Variants in PSMB2 observed in about 807,000 individuals in gnomAD.
The protein encoded by PSMB2 is proteasome 20S subunit beta 2.
Under a neutral mutation model 25.7 loss-of-function variants are expected in PSMB2, and 13 were observed. The observed-to-expected ratio is 0.51, with a 90% CI of 0.33 to 0.80. PSMB2 has a LOEUF of 0.80. PSMB2 is among the 30% of genes least tolerant of loss of function. PSMB2 has a pLI of 0.02. For missense variants in PSMB2, 202 were observed against 259.0 expected, an observed-to-expected ratio of 0.78 and a Z score of 1.51; for synonymous variants, 87 against 96.2, an observed-to-expected ratio of 0.90 and a Z score of 0.56.
At chr1:35,619,669 A>G (rs140084169) in intron 3 of PSMB2, among the ~76,000 whole-genome samples, 2,478 of 152,318 alleles carry the variant, frequency 0.016, 23 homozygotes, top group South Asian at 0.025. Flanking sequence ...CAGTAATTCC[A>G]AAGTTACTAT....
intron 3 of PSMB2, among the ~76,000 whole-genome samples, chr1:35,617,950 G>A (rs1386461202): frequency 6.6e-6 from 1 of 152,190 alleles, no homozygotes; most frequent in Non-Finnish European, 1.5e-5. Context: ...AAGGAACCCT[G>A]ATGTCCCAGC....
intron 3 of PSMB2, among the ~76,000 whole-genome samples, chr1:35,630,469 C>A (rs1362723728): frequency 6.6e-6 from 1 of 152,104 alleles, no homozygotes; most frequent in East Asian, 1.9e-4. Flanking sequence ...GGATAAATAA[C>A]CTGTAGTATA....
intron 1 of PSMB2, among the ~76,000 whole-genome samples, chr1:35,640,611 A>G (rs1651366260): frequency 6.6e-6 from 1 of 151,964 alleles, no homozygotes; most frequent in South Asian, 2.1e-4. Flanking sequence ...CCAACAAACT[A>G]ACCTCATTAC....
Position 35,636,377 on chromosome 1 carries a change from C to T in PSMB2, c.147G>A (p.Glu49=). The change falls in exon 2 of 6, where the codon GAG becomes GAA. Residue 49 remains glutamate (E), a synonymous_variant. Coordinates refer to ENST00000373237, the MANE Select transcript of PSMB2 (RefSeq NM_002794.5). The stretch of plus-strand genomic sequence containing the variant: ...CTGCAAACTGTACAGTGTCTCCAGC[C>T]TCTCCAACACACAGGAGTAATATCT... The part of the protein sequence containing the change: ...SEKILLLCVG[E]AGDTVQFAEY... 1.9e-6 allele frequency: 3 copies of T among 1,614,060 alleles called. No homozygotes were observed. Among genetic ancestry groups the T allele is most frequent in the Non-Finnish European group, 2.5e-6 (3 of 1,179,932 alleles).
At position 35,603,321 on chromosome 1, in the gene PSMB2, G is replaced by T. The variant is rs1401309362; in HGVS notation, c.552C>A (p.Asp184Glu). ...NLPTFSVRII[D>E]KNGIHDLDNI... ...TATCCAGGTCATGGATGCCATTTTT[G>T]TCAATGATTCGAACACTGAAGGTTG... The change falls in exon 6 of 6, where the codon GAC (aspartate) becomes GAA (glutamate). Residue 184 changes from aspartate to glutamate, a missense_variant. Coordinates refer to ENST00000373237, the MANE Select transcript of PSMB2 (RefSeq NM_002794.5). 2 of 1,614,124 alleles carry T rather than the reference G, an allele frequency of 1.2e-6. No individual in the cohort carries two copies. Among genetic ancestry groups the T allele is most frequent in the Non-Finnish European group, 1.7e-6 (2 of 1,179,978 alleles).
chr1:35,608,729 GACA>G (rs1650245047), intron 4 of PSMB2, among the ~76,000 whole-genome samples: 2 of 152,184 alleles, frequency 1.3e-5, no homozygotes, highest in Admixed American at 6.5e-5. Flanking sequence ...GCCATTAGGT[GACA>G]ACCAAGGGAA....
At chr1:35,628,879 TA>T (rs910440810) in intron 3 of PSMB2, among the ~76,000 whole-genome samples, 2 of 151,710 alleles carry the variant, frequency 1.3e-5, no homozygotes, top group African/African-American at 4.8e-5. Context: ...TAAGTAACTT[TA>T]AAAAAAGTAA....
chr1:35,609,431 A>G, intron 3 of PSMB2, 23 bp from the exon 4 acceptor site: 3 of 1,472,822 alleles, frequency 2.0e-6, no homozygotes, highest in Non-Finnish European at 2.7e-6. Context: ...GATATGGCAA[A>G]GTGATAACTA....
chr1:35,603,643 G>A (rs900447555), intron 5 of PSMB2, among the ~76,000 whole-genome samples: 2 of 152,142 alleles, frequency 1.3e-5, no homozygotes, highest in Admixed American at 1.3e-4. Context: ...ACGAAAGAAT[G>A]AGACAATCCA....
intron 5 of PSMB2, among the ~76,000 whole-genome samples, 186 bp from the exon 6 acceptor site, chr1:35,603,560 TGGAGGATGACTGGGAGGCAG>T (rs1167247896): frequency 1.3e-5 from 2 of 152,140 alleles, no homozygotes; most frequent in African/African-American, 2.4e-5. Flanking sequence ...AAACAGCAGC[TGGAGGATGACTGGGAGGCAG>T]GGAGGCTGAA....
intron 3 of PSMB2, among the ~76,000 whole-genome samples, chr1:35,629,236 C>A (rs1418816517): frequency 6.6e-6 from 1 of 152,170 alleles, no homozygotes; most frequent in African/African-American, 2.4e-5. Context: ...AAGTTATCTC[C>A]ATTTCATAGA....
chr1:35,615,663 C>A (rs995331714), intron 3 of PSMB2, among the ~76,000 whole-genome samples: 4 of 152,198 alleles, frequency 2.6e-5, no homozygotes, highest in Admixed American at 2.0e-4. Context: ...AGGAAGCATC[C>A]TGCCAAGCGT....
At position 35,641,407 on chromosome 1, in the gene PSMB2, C is replaced by T; in HGVS notation, c.26G>A (p.Gly9Asp). Residue 9 changes from glycine (G) to aspartate (D), a missense_variant, in exon 1 of 6, where the codon GGC (glycine) becomes GAC (aspartate). Transcript: ENST00000373237. ...GGAGGCGACAAGAACATAGTCGGGG[C>T]CTTGGATACCGATGAGGTACTCCAT... MEYLIGIQ[G>D]PDYVLVASDR... 1 of 1,614,122 alleles carries T rather than the reference C, an allele frequency of 6.2e-7. No individual in the cohort carries two copies. Among genetic ancestry groups the T allele is most frequent in the Non-Finnish European group, 8.5e-7 (1 of 1,180,024 alleles).
intron 2 of PSMB2, among the ~76,000 whole-genome samples, chr1:35,632,650 T>C (rs183767080): frequency 1.3e-5 from 2 of 152,160 alleles, no homozygotes; most frequent in East Asian, 3.9e-4. Flanking sequence ...TCACAGCACT[T>C]TGGGAAGCGG....
intron 1 of PSMB2, among the ~76,000 whole-genome samples, chr1:35,638,741 T>A (rs7541318): frequency 6.6e-6 from 1 of 152,054 alleles, no homozygotes; most frequent in African/African-American, 2.4e-5. Context: ...ATGCGGCATA[T>A]AAGCAAACCA....
intron 1 of PSMB2, among the ~76,000 whole-genome samples, chr1:35,637,952 T>C (rs949850519): frequency 6.6e-6 from 1 of 152,344 alleles, no homozygotes; most frequent in Non-Finnish European, 1.5e-5. Context: ...TTCCTTCTTT[T>C]GCTTGTTGGT....
chr1:35,632,473 T>C (rs1056101039), intron 2 of PSMB2, among the ~76,000 whole-genome samples: 1 of 152,194 alleles, frequency 6.6e-6, no homozygotes, highest in African/African-American at 2.4e-5. Context: ...TTAGGAGAGA[T>C]TCAGATTCAA....
Position 35,636,315 on chromosome 1 carries a change from C to T in PSMB2, c.209G>A (p.Arg70Gln), listed in dbSNP as rs774332216. 6.8e-6 allele frequency: 11 copies of T among 1,614,062 alleles called. No homozygotes were observed. Among genetic ancestry groups the T allele is most frequent in the Non-Finnish European group, 8.5e-6 (10 of 1,179,982 alleles). ...IQKNVQLYKMRNGYELSPTAA... is the reference protein window; with the variant it reads ...IQKNVQLYKMQNGYELSPTAA... ...AAACTGTAAGTCTTACCCACCATTT[C>T]GCATCTTATAAAGTTGCACGTTTTT... is the stretch of plus-strand genomic sequence containing the variant. The change falls in exon 2 of 6, where the codon CGA becomes CAA. Residue 70 changes from arginine (R) to glutamine (Q), a missense_variant. By Grantham distance (43) the Arg-to-Gln change is conservative. Transcript: ENST00000373237.
chr1:35,625,221 T>TA (rs934017228), intron 3 of PSMB2, among the ~76,000 whole-genome samples: 1 of 152,194 alleles, frequency 6.6e-6, no homozygotes, highest in African/African-American at 2.4e-5. Flanking sequence ...GGTAAAAAGA[T>TA]AAATTACCAA....
Sources: allele counts gnomAD v4.1 joint callset (sites outside exome capture counted in the v4.1 genomes callset), GRCh38; gene constraint gnomAD v4.1.1; transcripts MANE v1.5; gene names NCBI Gene and HGNC (gene_info 2026-07-23, HGNC 2026-07-21).